Variants in ADAM17 observed in about 807,000 individuals in gnomAD.
ADAM17 encodes disintegrin and metalloproteinase domain-containing protein 17.
In ADAM17, 39 loss-of-function variants were observed where a neutral mutation model predicts 96.7. That is an observed-to-expected ratio of 0.40 (90% CI 0.31 to 0.53). The LOEUF (loss-of-function observed/expected upper bound fraction) is 0.53. ADAM17 is among the 20% of genes least tolerant of loss of function. The pLI is 0.44. For missense variants in ADAM17, 777 were observed against 1,013.2 expected, an observed-to-expected ratio of 0.77 and a Z score of 3.17; for synonymous variants, 344 against 359.2, an observed-to-expected ratio of 0.96 and a Z score of 0.48.
At position 9,490,465 on chromosome 2, in the gene ADAM17, G is replaced by C; in HGVS notation, c.2187C>G (p.Pro729=). Residue 729 remains proline, a synonymous_variant, in exon 19 of 19, where the codon CCC becomes CCG. Transcript: ENST00000310823. ...MDSASVRIIK[P]FPAPQTPGRL... ...GGCCTGGAGTCTGGGGCGCAGGAAA[G>C]GGTTTGATAATGCGAACCGATGCAG... 6.2e-7 allele frequency: 1 copy of C among 1,614,050 alleles called. No homozygotes were observed. The highest frequency in any genetic ancestry group is 2.2e-5 in the East Asian group (1 of 44,880).
chr2:9,496,027 C>G (rs887924644), intron 14 of ADAM17, among the ~76,000 whole-genome samples: 1 of 152,054 alleles, frequency 6.6e-6, no homozygotes. Flanking sequence ...CATTATTGAA[C>G]TTGGAAGAGT....
chr2:9,554,242 A>G (rs766524596), intron 1 of ADAM17, among the ~76,000 whole-genome samples: 1 of 152,218 alleles, frequency 6.6e-6, no homozygotes, highest in Admixed American at 6.5e-5. Context: ...TATAATTTTA[A>G]TATCTCAAAA....
chr2:9,553,675 CAA>C (rs34545244), intron 1 of ADAM17, among the ~76,000 whole-genome samples: 76,939 of 118,060 alleles, frequency 0.65, 23,044 homozygotes, highest in Middle Eastern at 0.78. Context: ...AACACTGCCT[CAA>C]AAAAAAAAAA....
At chr2:9,529,466 T>C (rs879146735) in intron 4 of ADAM17, among the ~76,000 whole-genome samples, 1 of 150,136 alleles carries the variant, frequency 6.7e-6, no homozygotes, top group Admixed American at 6.6e-5. Context: ...AATAAAAAAA[T>C]TGAAGCCACA....
intron 12 of ADAM17, among the ~76,000 whole-genome samples, chr2:9,503,866 A>T (rs1338808507): frequency 1.3e-5 from 2 of 150,074 alleles, no homozygotes; most frequent in African/African-American, 4.9e-5. Context: ...ATAAAAGATT[A>T]TTTGGGCCAG....
intron 2 of ADAM17, among the ~76,000 whole-genome samples, chr2:9,541,732 G>A (rs1028973428): frequency 1.3e-5 from 2 of 152,038 alleles, no homozygotes; most frequent in African/African-American, 4.8e-5. Flanking sequence ...AGTTGAGAAG[G>A]CTTGTCCTAT....
At chr2:9,499,521 C>A (rs1662872991) in intron 13 of ADAM17, among the ~76,000 whole-genome samples, 1 of 152,104 alleles carries the variant, frequency 6.6e-6, no homozygotes, top group Admixed American at 6.5e-5. Context: ...CCTGCCTCAG[C>A]CTCCCAAGTA....
chr2:9,551,040 G>C (rs1470042704), intron 1 of ADAM17, among the ~76,000 whole-genome samples: 1 of 151,022 alleles, frequency 6.6e-6, no homozygotes, highest in Non-Finnish European at 1.5e-5. Context: ...GCGCCACTGC[G>C]CTCCAGCCTG....
chr2:9,513,125 G>C (rs1057027982), intron 10 of ADAM17, among the ~76,000 whole-genome samples: 15 of 152,030 alleles, frequency 9.9e-5, no homozygotes, highest in Non-Finnish European at 2.1e-4. Flanking sequence ...CTCCCGAGTG[G>C]CTGAGATTAT....
intron 1 of ADAM17, among the ~76,000 whole-genome samples, chr2:9,554,836 T>G (rs1232740911): frequency 6.6e-6 from 1 of 152,124 alleles, no homozygotes. Flanking sequence ...CTCTTGATAA[T>G]TTCTTTGTTT....
chr2:9,541,598 G>T (rs947132450), intron 2 of ADAM17, among the ~76,000 whole-genome samples: 3 of 152,034 alleles, frequency 2.0e-5, no homozygotes, highest in African/African-American at 7.2e-5. Context: ...CAAAAAATTG[G>T]AAGTTTACAA....
At chr2:9,552,721 C>T (rs72777019) in intron 1 of ADAM17, among the ~76,000 whole-genome samples, 3,321 of 152,264 alleles carry the variant, frequency 0.022, 65 homozygotes, top group Non-Finnish European at 0.034. Context: ...GACTTATACA[C>T]CCCAGCTGCA....
intron 14 of ADAM17, 34 bp from the exon 15 acceptor site, chr2:9,494,801 G>A (rs763276185): frequency 6.2e-7 from 1 of 1,609,726 alleles, no homozygotes; most frequent in South Asian, 1.1e-5. Flanking sequence ...CAGCTGGATT[G>A]TTCTGAGACC....
At chr2:9,505,025 G>A in intron 12 of ADAM17, 141 bp downstream of exon 12, 2 of 941,638 alleles carry the variant, frequency 2.1e-6, no homozygotes, top group Non-Finnish European at 3.2e-6. Context: ...TTCTTGCTGT[G>A]AAGGGCAAAA....
rs1370351278 is a variant in ADAM17 at position 9,506,386 on chromosome 2, T to TTA, written c.1345-1022_1345-1021insTA. 3.1e-3 allele frequency among the ~76,000 whole-genome samples: 447 copies of TTA among 144,402 alleles called. 3 individuals carry two copies. The highest frequency in any genetic ancestry group is 0.011 in the African/African-American group (431 of 37,494). The allele number at this position is 144,402 out of a possible 152,430, so 94.7% of individuals were successfully genotyped here. A position where few individuals can be genotyped will look rare whatever the true frequency, so the allele number is the denominator to read the frequency against. ...TTTTTTTTTTTTTTTTTTTTTTTTTTAGATGGAGTCTTGCTCTGTCACCAG... is the reference window on the plus strand; with the variant it reads ...TTTTTTTTTTTTTTTTTTTTTTTTTTTAAGATGGAGTCTTGCTCTGTCACCAG... On this transcript the variant is annotated intron_variant, in intron 11 of 18. Coordinates refer to ENST00000310823, the MANE Select transcript of ADAM17 (RefSeq NM_003183.6).
intron 7 of ADAM17, chr2:9,522,138 C>T (rs1437826523): frequency 1.6e-5 from 5 of 319,642 alleles, no homozygotes; most frequent in Non-Finnish European, 2.8e-5. Context: ...GAAACTCAAA[C>T]ATGATGCAGC....
chr2:9,541,987 C>T (rs1665223249), intron 2 of ADAM17, among the ~76,000 whole-genome samples: 1 of 152,080 alleles, frequency 6.6e-6, no homozygotes, highest in South Asian at 2.1e-4. Flanking sequence ...TTGCAGTGAG[C>T]CAAGATCACA....
chr2:9,499,401 G>GT (rs1260591558), intron 13 of ADAM17, among the ~76,000 whole-genome samples: 4 of 151,720 alleles, frequency 2.6e-5, no homozygotes, highest in South Asian at 4.2e-4. Flanking sequence ...CCTAACATTT[G>GT]TTTTTTTGGT....
chr2:9,552,376 A>C (rs1000419260), intron 1 of ADAM17, among the ~76,000 whole-genome samples: 1 of 152,210 alleles, frequency 6.6e-6, no homozygotes, highest in Non-Finnish European at 1.5e-5. Flanking sequence ...TATCTCTTAG[A>C]CTAATATAAA....
Sources: gnomAD v4.1 joint callset for allele counts (sites outside exome capture counted in the v4.1 genomes callset) on GRCh38, gnomAD v4.1.1 for gene constraint, MANE v1.5 for transcripts, NCBI Gene and HGNC (gene_info 2026-07-23, HGNC 2026-07-21) for gene names.